Variants in ATP2C2 observed in about 807,000 individuals in gnomAD.
The protein encoded by ATP2C2 is calcium-transporting ATPase type 2C member 2.
In ATP2C2, 171 loss-of-function variants were observed where a neutral mutation model predicts 110.8. The observed-to-expected ratio is 1.54, with a 90% CI of 1.36 to 1.75. ATP2C2 has a LOEUF of 1.75. ATP2C2 is among the 40% of genes most tolerant of loss of function. ATP2C2 has a pLI of 0.00. For missense variants in ATP2C2, 1,963 were observed against 1,235.0 expected, an observed-to-expected ratio of 1.59 and a Z score of -8.84; for synonymous variants, 804 against 508.4, an observed-to-expected ratio of 1.58 and a Z score of -7.82.
intron 11 of ATP2C2, among the ~76,000 whole-genome samples, chr16:84,434,375 C>T (rs188422322): frequency 5.9e-5 from 9 of 151,634 alleles, no homozygotes; most frequent in South Asian, 2.1e-4. Flanking sequence ...GAGATTGCAC[C>T]GCTGCACTCC....
rs987792034 is a variant in ATP2C2, at chr16:84,463,709, C to T, written c.2818C>T (p.Gln940Ter). 1 of 1,613,852 alleles carries T rather than the reference C, an allele frequency of 6.2e-7. No individual in the cohort carries two copies. The highest frequency in any genetic ancestry group is 8.5e-7 in the Non-Finnish European group (1 of 1,179,748). Reference sequence around the variant, plus strand: ...ATACTGTTGCAGCCCCAAGAGAGTCCAGATGCACCCTGAAGATGTGTAGTG... The same window carrying T: ...ATACTGTTGCAGCCCCAAGAGAGTCTAGATGCACCCTGAAGATGTGTAGTG... ...EKYCCSPKRV[Q>*]MHPEDV Residue 940 changes from glutamine to a stop codon, truncating the protein, a stop_gained, in exon 27 of 27, where the codon CAG (glutamine) becomes TAG (stop). Transcript: ENST00000262429. LOFTEE classifies it low-confidence loss of function (END_TRUNC).
chr16:84,380,815 A>C (rs901393174), intron 1 of ATP2C2, among the ~76,000 whole-genome samples: 1 of 152,168 alleles, frequency 6.6e-6, no homozygotes, highest in Non-Finnish European at 1.5e-5. Flanking sequence ...AATACACATC[A>C]AGCATGTAAG....
At chr16:84,369,037 A>G (rs1289227873) in intron 1 of ATP2C2, among the ~76,000 whole-genome samples, 1 of 152,236 alleles carries the variant, frequency 6.6e-6, no homozygotes, top group Non-Finnish European at 1.5e-5. Flanking sequence ...ACTCCAGAGA[A>G]TTAAAATTCC....
At chr16:84,406,854 ATCC>A in intron 3 of ATP2C2, among the ~76,000 whole-genome samples, 1 of 152,068 alleles carries the variant, frequency 6.6e-6, no homozygotes, top group East Asian at 1.9e-4. Context: ...TCCCCTGGTT[ATCC>A]TCCTTCCTCG....
intron 1 of ATP2C2, among the ~76,000 whole-genome samples, chr16:84,397,673 A>AAAAAAAAAAT (rs1905079752): frequency 7.1e-6 from 1 of 140,404 alleles, no homozygotes; most frequent in Non-Finnish European, 1.5e-5. Context: ...AAAAAAAAAA[A>AAAAAAAAAAT]CTTGCTTAAA....
intron 25 of ATP2C2, 85 bp from the exon 26 acceptor site, chr16:84,461,903 G>A (rs62050919): frequency 0.069 from 111,204 of 1,607,044 alleles, 4,452 homozygotes; most frequent in Middle Eastern, 0.09. Context: ...GAGCGGCTCT[G>A]GCTCAGCGTG....
chr16:84,458,997 C>G, intron 21 of ATP2C2, 123 bp from the exon 22 acceptor site: 1 of 1,067,784 alleles, frequency 9.4e-7, no homozygotes. Flanking sequence ...CAAGGGGAAC[C>G]AGCAGGGGCC....
intron 10 of ATP2C2, 109 bp from the exon 11 acceptor site, chr16:84,425,626 C>T (rs1212906720): frequency 8.1e-7 from 1 of 1,233,738 alleles, no homozygotes; most frequent in Non-Finnish European, 1.2e-6. Flanking sequence ...TCAGGCGTTC[C>T]TCTGTGCATG....
intron 6 of ATP2C2, among the ~76,000 whole-genome samples, chr16:84,414,663 G>C (rs1323227510): frequency 2.6e-5 from 4 of 152,126 alleles, no homozygotes; most frequent in African/African-American, 9.7e-5. Flanking sequence ...ACCTCAACAA[G>C]ATCAAATTCC....
rs755551151 is a variant in ATP2C2 at position 84,463,743 on chromosome 16, T to C, written c.*11T>C. ...CCTGAAGATGTGTAGTGGACCGCAC[T>C]CCGCGGCACCTTCCCTAATCATCTC... is the stretch of plus-strand genomic sequence containing the variant. On this transcript the variant is annotated 3_prime_UTR_variant, in exon 27 of 27. Transcript: ENST00000262429. 88 of 1,594,692 alleles carry C rather than the reference T, an allele frequency of 5.5e-5. No homozygotes were observed. The highest frequency in any genetic ancestry group is 7.4e-5 in the Non-Finnish European group (86 of 1,164,084).
intron 11 of ATP2C2, among the ~76,000 whole-genome samples, chr16:84,426,545 G>A (rs1160398861): frequency 6.6e-6 from 1 of 152,090 alleles, no homozygotes; most frequent in Non-Finnish European, 1.5e-5. Flanking sequence ...CAAAACTGGA[G>A]GTTCTGTGAC....
intron 11 of ATP2C2, among the ~76,000 whole-genome samples, chr16:84,427,538 G>A (rs1176198548): frequency 6.6e-6 from 1 of 152,138 alleles, no homozygotes; most frequent in African/African-American, 2.4e-5. Context: ...CCAACATGGT[G>A]AAACCCTGTC....
intron 3 of ATP2C2, among the ~76,000 whole-genome samples, chr16:84,406,853 T>G (rs773862162): frequency 1.1e-4 from 17 of 152,252 alleles, no homozygotes; most frequent in Admixed American, 3.9e-4. Context: ...TTCCCCTGGT[T>G]ATCCTCCTTC....
chr16:84,460,897 G>C, intron 24 of ATP2C2, 96 bp downstream of exon 24: 1 of 1,456,904 alleles, frequency 6.9e-7, no homozygotes, highest in South Asian at 1.3e-5. Flanking sequence ...CTCACATCTG[G>C]GAGAGGCAAA....
Position 84,423,282 on chromosome 16 carries a change from A to C in ATP2C2, c.919+19A>C, listed in dbSNP as rs1187697497. The C allele has an allele frequency of 1.2e-6, 2 of 1,609,840 alleles. No individual in the cohort carries two copies. Among genetic ancestry groups the C allele is most frequent in the Non-Finnish European group, 1.7e-6 (2 of 1,176,128 alleles). On this transcript the variant is annotated intron_variant, in intron 10 of 26. Coordinates refer to ENST00000262429, the MANE Select transcript of ATP2C2 (RefSeq NM_014861.4). Reference sequence around the variant, plus strand: ...ATAATCGGTGAGTGAAGCAGTTTCCATACTGGGTTTGTTCTGCAGATGGAG... The same window carrying C: ...ATAATCGGTGAGTGAAGCAGTTTCCCTACTGGGTTTGTTCTGCAGATGGAG...
At position 84,460,758 on chromosome 16, in the gene ATP2C2, C is replaced by A; in HGVS notation, c.2438C>A (p.Ala813Glu). The A allele has an allele frequency of 6.2e-7, 1 of 1,614,056 alleles. No homozygotes were observed. Among genetic ancestry groups the A allele is most frequent in the Non-Finnish European group, 8.5e-7 (1 of 1,179,938 alleles). Residue 813 changes from alanine (A) to glutamate (E), a missense_variant, in exon 24 of 27, where the codon GCG becomes GAG. Coordinates refer to ENST00000262429, the MANE Select transcript of ATP2C2 (RefSeq NM_014861.4). ...CTCATCCTGAAGATCCTCATGTCCG[C>A]GGCCATCATCATCAGCGGGACCCTC... ...RALILKILMS[A>E]AIIISGTLFI... is the part of the protein sequence containing the mutation.
At chr16:84,429,128 T>C (rs963552955) in intron 11 of ATP2C2, among the ~76,000 whole-genome samples, 1 of 132,390 alleles carries the variant, frequency 7.6e-6, no homozygotes, top group Non-Finnish European at 1.7e-5. Context: ...CAGAACGATC[T>C]TCATGGCGTT....
intron 1 of ATP2C2, among the ~76,000 whole-genome samples, chr16:84,385,900 G>A (rs1214935627): frequency 6.6e-6 from 1 of 152,198 alleles, no homozygotes; most frequent in East Asian, 1.9e-4. Flanking sequence ...AGATTTGGGT[G>A]GGGACACAGA....
At position 84,397,600 on chromosome 16, in the gene ATP2C2, G is replaced by A. The variant is rs528087737; in HGVS notation, c.100-899G>A. Among the ~76,000 whole-genome samples the A allele has an allele frequency of 3.3e-3, 453 of 137,330 alleles. 1 individual carries two copies. The highest frequency in any genetic ancestry group is 5.2e-3 in the Non-Finnish European group (339 of 65,050). The allele number at this position is 137,330 out of a possible 152,430, so 90.1% of individuals were successfully genotyped here. A position where few individuals can be genotyped will look rare whatever the true frequency, so the allele number is the denominator to read the frequency against. ...GAAGCAGGAGGATCACCTGAGCCTG[G>A]GAGGTTGAGGCTGCAGTGAGCTATG... On this transcript the variant is annotated intron_variant, in intron 1 of 26. Transcript: ENST00000262429.
Sources: gnomAD v4.1 joint callset for allele counts (sites outside exome capture counted in the v4.1 genomes callset) on GRCh38, gnomAD v4.1.1 for gene constraint, MANE v1.5 for transcripts, NCBI Gene and HGNC (gene_info 2026-07-23, HGNC 2026-07-21) for gene names.